TRHDE: variants seen among roughly 807,000 people sequenced by gnomAD.
TRHDE encodes the protein thyrotropin releasing hormone degrading enzyme.
Under a neutral mutation model 125.7 loss-of-function variants are expected in TRHDE, and 72 were observed. The observed-to-expected ratio is 0.57, with a 90% confidence interval of 0.47 to 0.70. The LOEUF (loss-of-function observed/expected upper bound fraction) is 0.70, where lower values mean the gene tolerates loss of function less well. Among genes scored for constraint, TRHDE ranks in the 30% least tolerant of loss-of-function variants. TRHDE has a pLI of 0.00. For missense variants in TRHDE, 1,110 were observed against 1,327.1 expected, an observed-to-expected ratio of 0.84 and a Z score of 2.54; for synonymous variants, 509 against 509.1, an observed-to-expected ratio of 1.00 and a Z score of 0.00.
intron 2 of TRHDE, among the ~76,000 whole-genome samples, chr12:72,368,041 G>A (rs1206008413): frequency 6.6e-6 from 1 of 151,990 alleles, no homozygotes; most frequent in African/African-American, 2.4e-5. Flanking sequence ...TTGGCTGTGT[G>A]GTATAACTAT....
At chr12:72,478,911 CT>C (rs541792925) in intron 5 of TRHDE, among the ~76,000 whole-genome samples, 681 of 60,114 alleles carry the variant, frequency 0.011, 5 homozygotes, top group African/African-American at 0.045. Context: ...GATATTAATA[CT>C]TTTTTTTAGC....
At chr12:72,166,712 C>T (rs1876757570) in intron 2 of TRHDE, among the ~76,000 whole-genome samples, 1 of 152,088 alleles carries the variant, frequency 6.6e-6, no homozygotes, top group Non-Finnish European at 1.5e-5. Context: ...AGAAAAATAC[C>T]AAATCCTGTA....
intron 2 of TRHDE, among the ~76,000 whole-genome samples, chr12:72,138,565 A>G (rs890604378): frequency 1.3e-5 from 2 of 152,234 alleles, no homozygotes; most frequent in Non-Finnish European, 1.5e-5. Context: ...GCCTGATACC[A>G]GAAGAGAGCC....
At chr12:72,523,167 A>G (rs143490042) in intron 6 of TRHDE, among the ~76,000 whole-genome samples, 1 of 152,096 alleles carries the variant, frequency 6.6e-6, no homozygotes, top group Non-Finnish European at 1.5e-5. Flanking sequence ...TTCCTGAAGA[A>G]TAAGGATATA....
At chr12:72,102,268 G>A (rs80096135) in intron 1 of TRHDE, among the ~76,000 whole-genome samples, 2 of 152,144 alleles carry the variant, frequency 1.3e-5, no homozygotes, top group South Asian at 2.1e-4. Context: ...GGCATTAGGA[G>A]GGTGACAGAG....
chr12:72,106,522 G>C (rs184444879), intron 2 of TRHDE, among the ~76,000 whole-genome samples: 19 of 152,226 alleles, frequency 1.2e-4, no homozygotes, highest in Non-Finnish European at 1.0e-4. Context: ...ATGTGTAAAT[G>C]TAGTTAAAGA....
At chr12:72,229,028 G>A (rs778012593) in intron 2 of TRHDE, among the ~76,000 whole-genome samples, 19 of 152,264 alleles carry the variant, frequency 1.2e-4, no homozygotes, top group Admixed American at 2.6e-4. Context: ...ACATCTTTCT[G>A]TCTTTTTCTG....
At chr12:72,187,664 A>G (rs1386427063) in intron 2 of TRHDE, among the ~76,000 whole-genome samples, 1 of 152,184 alleles carries the variant, frequency 6.6e-6, no homozygotes, top group African/African-American at 2.4e-5. Context: ...TAGTCAGTAT[A>G]CTGATGCAAA....
chr12:72,115,919 G>A (rs112378850), intron 2 of TRHDE, among the ~76,000 whole-genome samples: 5,892 of 152,192 alleles, frequency 0.039, 209 homozygotes, highest in South Asian at 0.11. Context: ...GTATACATGT[G>A]CCATAGTGGT....
intron 3 of TRHDE, among the ~76,000 whole-genome samples, chr12:72,414,853 T>G (rs1873665046): frequency 6.6e-6 from 1 of 152,140 alleles, no homozygotes; most frequent in Non-Finnish European, 1.5e-5. Context: ...AACATAGTCG[T>G]GATGGCAGTG....
chr12:72,488,274 T>G (rs2135922529), intron 5 of TRHDE, among the ~76,000 whole-genome samples: 1 of 152,108 alleles, frequency 6.6e-6, no homozygotes, highest in African/African-American at 2.4e-5. Context: ...AGAGACTCAC[T>G]TAAGCTTTAA....
chr12:72,473,235 A>C (rs564629778), intron 5 of TRHDE, 55 bp downstream of exon 5: 1 of 1,349,422 alleles, frequency 7.4e-7, no homozygotes, highest in East Asian at 2.3e-5. Flanking sequence ...CTAGTGTTAC[A>C]TTAGGCTTAT....
Position 72,248,971 on chromosome 12 carries a change from A to C in TRHDE, n.280-129024A>C, listed in dbSNP as rs150835538. 3.8e-3 allele frequency among the ~76,000 whole-genome samples: 572 copies of C among 152,302 alleles called. 8 individuals are homozygous for C. The highest frequency in any genetic ancestry group is 0.013 in the African/African-American group (527 of 41,574). On this transcript the variant is annotated intron_variant and non_coding_transcript_variant, in intron 2 of 4. Coordinates refer to the TRHDE transcript ENST00000548156. ...CATAGATCCTCTAACAGGTTCACTT[A>C]AAATAAGTTTCATATTAATGGAGAC...
chr12:72,638,718 A>G (rs1208088199), intron 15 of TRHDE, among the ~76,000 whole-genome samples: 2 of 151,868 alleles, frequency 1.3e-5, no homozygotes, highest in African/African-American at 2.4e-5. Context: ...AAAATCTCTC[A>G]GCATTTGCTT....
rs1875193061 is a variant in TRHDE at position 72,669,285 on chromosome 12, CTG to C, written c.*6092_*6093del. 1 of 151,818 alleles carries C rather than the reference CTG, an allele frequency of 6.6e-6. No homozygotes were observed. The highest frequency in any genetic ancestry group is 2.4e-5 in the African/African-American group (1 of 41,396). The allele number at this position is 151,818 out of a possible 1,614,324, so 9.4% of individuals were successfully genotyped here. A position where few individuals can be genotyped will look rare whatever the true frequency, so the allele number is the denominator to read the frequency against. ...TAGCAGTGAGGTCAGAGAAGTATCTCTGTCATTCTGCTTAGAAGTATACATGG... is the reference window on the plus strand; with the variant it reads ...TAGCAGTGAGGTCAGAGAAGTATCTCTCATTCTGCTTAGAAGTATACATGG... On this transcript the variant is annotated 3_prime_UTR_variant, in exon 19 of 19. Transcript: ENST00000261180.
intron 6 of TRHDE, among the ~76,000 whole-genome samples, chr12:72,533,529 ATTC>A (rs1480496709): frequency 6.6e-6 from 1 of 152,016 alleles, no homozygotes; most frequent in Non-Finnish European, 1.5e-5. Flanking sequence ...TTTCTAGAAT[ATTC>A]TTATTTTAGT....
At chr12:72,367,793 T>C (rs1463135401) in intron 2 of TRHDE, among the ~76,000 whole-genome samples, 1 of 152,178 alleles carries the variant, frequency 6.6e-6, no homozygotes, top group Non-Finnish European at 1.5e-5. Flanking sequence ...TTTTCAGTTA[T>C]AGGCAAAAGG....
intron 12 of TRHDE, among the ~76,000 whole-genome samples, chr12:72,595,966 C>G (rs1458889001): frequency 6.6e-6 from 1 of 152,014 alleles, no homozygotes; most frequent in African/African-American, 2.4e-5. Flanking sequence ...GGGATATTCT[C>G]TATTTACCTT....
At chr12:72,491,794 G>A (rs565389716) in intron 5 of TRHDE, among the ~76,000 whole-genome samples, 1 of 152,112 alleles carries the variant, frequency 6.6e-6, no homozygotes, top group South Asian at 2.1e-4. Context: ...GCATCTTAGA[G>A]ATTTTGTAGC....
Sources: gnomAD v4.1 joint callset for allele counts (sites outside exome capture counted in the v4.1 genomes callset) on GRCh38, gnomAD v4.1.1 for gene constraint, MANE v1.5 for transcripts, NCBI Gene and HGNC (gene_info 2026-07-23, HGNC 2026-07-21) for gene names.